Variants in PLXNC1 observed in about 807,000 individuals in gnomAD.
PLXNC1 encodes the protein plexin C1, also known as plexin-C1.
Under a neutral mutation model 178.2 loss-of-function variants are expected in PLXNC1, and 75 were observed. The ratio of observed to expected loss-of-function variants is 0.42; its 90% CI spans 0.35 to 0.51. The LOEUF (loss-of-function observed/expected upper bound fraction) is 0.51, where lower values mean the gene tolerates loss of function less well. PLXNC1 is among the 20% of genes least tolerant of loss of function. The probability of loss-of-function intolerance (pLI) is 0.02; values close to 1 mark genes in which losing one functional copy is unlikely to be tolerated. For synonymous variants in PLXNC1, 790 were observed against 779.9 expected, an observed-to-expected ratio of 1.01 and a Z score of -0.22; for missense variants, 1,503 against 1,984.4, an observed-to-expected ratio of 0.76 and a Z score of 4.61.
chr12:94,230,609 T>C (rs927115832), intron 9 of PLXNC1, among the ~76,000 whole-genome samples: 3 of 152,240 alleles, frequency 2.0e-5, no homozygotes, highest in African/African-American at 7.2e-5. Flanking sequence ...TGGAGTGTTA[T>C]TTGTCACAGG....
intron 3 of PLXNC1, among the ~76,000 whole-genome samples, chr12:94,184,123 C>CT (rs1239051241): frequency 1.2e-3 from 45 of 36,890 alleles, no homozygotes; most frequent in African/African-American, 2.8e-3. Context: ...CTCTCTCTCT[C>CT]TCTTTTTTTT....
At position 94,186,480 on chromosome 12, in the gene PLXNC1, C is replaced by G. The variant is rs761286282; in HGVS notation, c.1439+7C>G. 1.3e-6 allele frequency: 2 copies of G among 1,589,650 alleles called. No homozygotes were observed. The highest frequency in any genetic ancestry group is 1.7e-6 in the Non-Finnish European group (2 of 1,157,734). Reference sequence around the variant, plus strand: ...GGTGCCATTCGCTACAAAGGTATCTCCTGAATTCTTTCTCACCAACTCGCA... The same window carrying G: ...GGTGCCATTCGCTACAAAGGTATCTGCTGAATTCTTTCTCACCAACTCGCA... On this transcript the variant is annotated splice_region_variant and intron_variant, in intron 4 of 30. Coordinates refer to ENST00000258526, the MANE Select transcript of PLXNC1 (RefSeq NM_005761.3).
At chr12:94,181,328 C>CA in intron 2 of PLXNC1, 118 bp from the exon 3 acceptor site, 1 of 614,182 alleles carries the variant, frequency 1.6e-6, no homozygotes, top group Admixed American at 3.1e-5. Context: ...GCGGAGGTTG[C>CA]AGTGAGCCAA....
At chr12:94,303,138 T>TA (rs1285403291) in intron 28 of PLXNC1, among the ~76,000 whole-genome samples, 9 of 152,212 alleles carry the variant, frequency 5.9e-5, no homozygotes, top group Non-Finnish European at 1.2e-4. Context: ...ATCACTGTTA[T>TA]AATTACGTAG....
intron 4 of PLXNC1, among the ~76,000 whole-genome samples, chr12:94,203,186 G>A (rs3912397): frequency 0.83 from 126,830 of 152,098 alleles, 53,056 homozygotes; most frequent in East Asian, 0.97. Flanking sequence ...TTGATCCGCC[G>A]TGAGGATTAT....
At chr12:94,186,538 G>T in intron 4 of PLXNC1, 65 bp downstream of exon 4, 2 of 1,006,302 alleles carry the variant, frequency 2.0e-6, no homozygotes, top group Non-Finnish European at 3.1e-6. Context: ...CAGAACACTT[G>T]TTGCCCTACT....
chr12:94,174,477 G>C (rs900265310), intron 2 of PLXNC1, among the ~76,000 whole-genome samples: 1 of 152,088 alleles, frequency 6.6e-6, no homozygotes, highest in Non-Finnish European at 1.5e-5. Context: ...TGCACACGGC[G>C]CCACTCAGGG....
intron 5 of PLXNC1, among the ~76,000 whole-genome samples, chr12:94,211,579 G>C (rs1432232695): frequency 6.6e-6 from 1 of 152,192 alleles, no homozygotes; most frequent in Non-Finnish European, 1.5e-5. Context: ...CATATGCCTA[G>C]TAACATTCTA....
intron 9 of PLXNC1, among the ~76,000 whole-genome samples, chr12:94,232,528 G>A (rs560884555): frequency 1.3e-5 from 2 of 152,256 alleles, no homozygotes; most frequent in African/African-American, 2.4e-5. Flanking sequence ...GCATAGAGCC[G>A]GGTACTGTAG....
At chr12:94,168,139 C>T (rs1476344775) in intron 1 of PLXNC1, 1 of 152,158 alleles carries the variant, frequency 6.6e-6, no homozygotes, top group African/African-American at 2.4e-5. Context: ...TGCTGTGTTG[C>T]TTACTGAAGT....
intron 9 of PLXNC1, among the ~76,000 whole-genome samples, chr12:94,235,143 C>T (rs1175721485): frequency 6.6e-6 from 1 of 152,082 alleles, no homozygotes; most frequent in Non-Finnish European, 1.5e-5. Flanking sequence ...CCCACTTTCA[C>T]AAGACAGGCC....
In PLXNC1 at chr12:94,307,506, A is replaced by G. The variant is rs565117088; in HGVS notation, c.*2221A>G. ...TTTTTTGGTGCAAAACCATTTATAA[A>G]CTTTTTTTTCTAACACTAGTGTCTA... On this transcript the variant is annotated 3_prime_UTR_variant, in exon 31 of 31. Coordinates refer to ENST00000258526, the MANE Select transcript of PLXNC1 (RefSeq NM_005761.3). 7 of 152,138 alleles carry G rather than the reference A, an allele frequency of 4.6e-5. No individual in the cohort carries two copies. In the East Asian group the frequency reaches 1.3e-3, roughly 29 times the overall value. 9.4% of individuals were successfully genotyped at this position (152,138 alleles called of 1,614,324 possible).
At chr12:94,217,147 G>T (rs1963669072) in intron 5 of PLXNC1, among the ~76,000 whole-genome samples, 1 of 152,178 alleles carries the variant, frequency 6.6e-6, no homozygotes, top group Non-Finnish European at 1.5e-5. Flanking sequence ...ACTCCATGCA[G>T]CCATTCCAGC....
chr12:94,184,315 G>C (rs1042130072), intron 3 of PLXNC1, among the ~76,000 whole-genome samples: 3 of 151,346 alleles, frequency 2.0e-5, no homozygotes, highest in Non-Finnish European at 4.4e-5. Flanking sequence ...TAATAGAGAC[G>C]GGGTTTCACC....
intron 5 of PLXNC1, among the ~76,000 whole-genome samples, chr12:94,216,276 A>G (rs987650292): frequency 2.0e-5 from 3 of 151,920 alleles, no homozygotes; most frequent in Admixed American, 2.0e-4. Context: ...CTCAAAAAAA[A>G]AAAAGAGTTA....
chr12:94,174,617 A>C (rs573339444), intron 2 of PLXNC1, among the ~76,000 whole-genome samples: 64 of 152,322 alleles, frequency 4.2e-4, no homozygotes, highest in African/African-American at 1.4e-3. Context: ...TTTTTGAATG[A>C]ATGTCAGAGA....
chr12:94,256,557 C>T (rs1038315856), intron 17 of PLXNC1, among the ~76,000 whole-genome samples: 4 of 151,978 alleles, frequency 2.6e-5, no homozygotes, highest in South Asian at 2.1e-4. Context: ...GAAAGGAATT[C>T]GATTCCCCGA....
chr12:94,249,520 T>C (rs1384533264), intron 14 of PLXNC1, among the ~76,000 whole-genome samples: 3 of 151,984 alleles, frequency 2.0e-5, no homozygotes, highest in Admixed American at 2.0e-4. Flanking sequence ...AGGTGTGAGC[T>C]ACCGCGCCCA....
At chr12:94,240,359 C>G in intron 10 of PLXNC1, 126 bp from the exon 11 acceptor site, 1 of 697,642 alleles carries the variant, frequency 1.4e-6, no homozygotes, top group East Asian at 2.8e-5. Flanking sequence ...TCAGTAGTTG[C>G]CTGCAGCTGT....
Sources: allele counts gnomAD v4.1 joint callset (sites outside exome capture counted in the v4.1 genomes callset), GRCh38; gene constraint gnomAD v4.1.1; transcripts MANE v1.5; gene names NCBI Gene and HGNC (gene_info 2026-07-23, HGNC 2026-07-21).